Variants in DST observed in about 807,000 individuals in gnomAD.
The protein encoded by DST is dystonin.
DST carries 253 observed loss-of-function variants against 875.2 expected under a neutral mutation model. The observed-to-expected ratio is 0.29, with a 90% confidence interval of 0.26 to 0.32. The LOEUF is 0.32. DST is among the 10% of genes least tolerant of loss of function. The pLI is 1.00. For synonymous variants in DST, 3,124 were observed against 3,197.1 expected (o/e 0.98, Z 0.77); for missense variants, 8,287 against 9,111.6 (o/e 0.91, Z 3.68).
At chr6:56,654,164 T>C (rs1329977636) in intron 10 of DST, among the ~76,000 whole-genome samples, 4 of 152,182 alleles carry the variant, frequency 2.6e-5, no homozygotes, top group African/African-American at 9.7e-5. Flanking sequence ...CTTAAAGTAA[T>C]AAATGCTAGT....
At chr6:56,656,752 C>A (rs1012650979) in intron 10 of DST, among the ~76,000 whole-genome samples, 2 of 152,108 alleles carry the variant, frequency 1.3e-5, no homozygotes, top group East Asian at 3.9e-4. Flanking sequence ...CCATATGAAG[C>A]TGAGAATACA....
At chr6:56,735,021 C>A in intron 5 of DST, 1 of 486,340 alleles carries the variant, frequency 2.1e-6, no homozygotes, top group Non-Finnish European at 3.6e-6. Flanking sequence ...ACTGAAATCA[C>A]TGGGTACTTA....
intron 9 of DST, 74 bp downstream of exon 9, chr6:56,699,579 G>A (rs1044528743): frequency 3.0e-6 from 2 of 668,326 alleles, no homozygotes; most frequent in Non-Finnish European, 5.1e-6. Flanking sequence ...GAACATGAAT[G>A]CATCATTCAC....
intron 5 of DST, among the ~76,000 whole-genome samples, chr6:56,716,900 G>A (rs1024337420): frequency 3.3e-5 from 5 of 152,022 alleles, no homozygotes; most frequent in African/African-American, 1.2e-4. Context: ...GCATGCAACC[G>A]ACCGGGTGCG....
chr6:56,529,978 T>G lies in DST; in HGVS notation c.17264A>C (p.His5755Pro). Residue 5755 changes from histidine (H) to proline (P), a missense_variant, in exon 65 of 104, where the codon CAC (histidine) becomes CCC (proline). Coordinates refer to ENST00000680361, the MANE Select transcript of DST (RefSeq NM_001374736.1). ...AATGTGTGATTTATATCTTACTTTG[T>G]GCTGTGCAATTTGTTCCTCAAGTTT... is the stretch of plus-strand genomic sequence containing the variant. ...ASKLEEQIAQ[H>P]KALEDDIINH... 6.2e-7 allele frequency: 1 copy of G among 1,613,404 alleles called. No homozygotes were observed. The highest frequency in any genetic ancestry group is 8.5e-7 in the Non-Finnish European group (1 of 1,179,604).
chr6:56,698,329 A>AT (rs70989725), intron 9 of DST, among the ~76,000 whole-genome samples: 1,681 of 144,084 alleles, frequency 0.012, 17 homozygotes, highest in African/African-American at 0.024. Flanking sequence ...AAAAAAAAAA[A>AT]TTTTTTTTTT....
In DST at chr6:56,470,106, G is replaced by A. The variant is rs41271856; in HGVS notation, c.22476+22C>T. ...GCAGAACATACTATCAGTGTTGTAC[G>A]CAATGGGAAGATAATGAGTACCTCA... On this transcript the variant is annotated intron_variant, in intron 96 of 103. Coordinates refer to ENST00000680361, the MANE Select transcript of DST (RefSeq NM_001374736.1). 1,264 of 1,609,686 alleles carry A rather than the reference G, an allele frequency of 7.9e-4. 5 individuals are homozygous for A. In the African/African-American group the frequency reaches 0.015, roughly 19 times the overall value.
chr6:56,783,808 T>G (rs576191595), intron 4 of DST, among the ~76,000 whole-genome samples: 67 of 152,352 alleles, frequency 4.4e-4, no homozygotes, highest in Non-Finnish European at 8.2e-4. Context: ...TGATGCAGTT[T>G]CTTCCTAGTC....
At chr6:56,828,008 T>G (rs1328230166) in intron 4 of DST, among the ~76,000 whole-genome samples, 1 of 152,134 alleles carries the variant, frequency 6.6e-6, no homozygotes, top group East Asian at 1.9e-4. Context: ...CTTTCATGCC[T>G]TCCACTGATG....
chr6:56,934,823 TA>T lies in DST; in HGVS notation c.216+18961del, dbSNP rs570496554. 2.6e-3 allele frequency among the ~76,000 whole-genome samples: 399 copies of T among 151,278 alleles called. 2 individuals carry two copies. The highest frequency in any genetic ancestry group is 8.4e-3 in the African/African-American group (348 of 41,302). ...CACAAAATAATTTTAATATTATTCT[TA>T]AAAAAAATTAGGAAGCTATATATTC... On this transcript the variant is annotated intron_variant, in intron 2 of 103. Transcript: ENST00000680361.
At chr6:56,495,464 A>G (rs1272940079) in intron 82 of DST, among the ~76,000 whole-genome samples, 1 of 152,000 alleles carries the variant, frequency 6.6e-6, no homozygotes, top group Admixed American at 6.6e-5. Flanking sequence ...TTTGCTTTCA[A>G]GTTCTTATAT....
chr6:56,620,508 G>A, intron 36 of DST: 1 of 1,613,986 alleles, frequency 6.2e-7, no homozygotes, highest in Non-Finnish European at 8.5e-7. Flanking sequence ...ACATTTCTCT[G>A]CTGCTTTCTC....
intron 2 of DST, among the ~76,000 whole-genome samples, chr6:56,942,223 T>C (rs1410421544): frequency 6.6e-6 from 1 of 152,234 alleles, no homozygotes; most frequent in African/African-American, 2.4e-5. Flanking sequence ...TTAAAGTGAA[T>C]TTCTTGTAAA....
chr6:56,827,606 A>C (rs1004978447), intron 4 of DST, among the ~76,000 whole-genome samples: 6 of 152,092 alleles, frequency 3.9e-5, no homozygotes, highest in Non-Finnish European at 8.8e-5. Context: ...AAAATTGAAT[A>C]TAGAACGGTG....
intron 10 of DST, among the ~76,000 whole-genome samples, chr6:56,663,630 G>C (rs748397989): frequency 1.3e-5 from 2 of 152,314 alleles, no homozygotes; most frequent in Admixed American, 6.5e-5. Context: ...CTGAATCACC[G>C]GCCTCCAGGT....
At chr6:56,620,523 C>A in intron 36 of DST, 1 of 1,614,056 alleles carries the variant, frequency 6.2e-7, no homozygotes, top group South Asian at 1.1e-5. Flanking sequence ...TTTCTCAATT[C>A]ATTTTCTGCA....
intron 5 of DST, among the ~76,000 whole-genome samples, chr6:56,729,388 C>T (rs976980408): frequency 2.0e-5 from 3 of 151,962 alleles, no homozygotes; most frequent in Non-Finnish European, 2.9e-5. Flanking sequence ...GTTAGGAGTT[C>T]GAGACCAGCC....
chr6:56,550,637 C>T (rs1267411323), intron 61 of DST, among the ~76,000 whole-genome samples: 2 of 152,164 alleles, frequency 1.3e-5, no homozygotes, highest in Non-Finnish European at 2.9e-5. Context: ...TGTCCATTGT[C>T]TTACAAGTAG....
At chr6:56,757,229 G>A (rs1157412599) in intron 4 of DST, among the ~76,000 whole-genome samples, 2 of 152,154 alleles carry the variant, frequency 1.3e-5, no homozygotes, top group African/African-American at 2.4e-5. Context: ...TGAGAGTTGA[G>A]GCTAAAACAC....
Sources: allele counts gnomAD v4.1 joint callset (sites outside exome capture counted in the v4.1 genomes callset), GRCh38; gene constraint gnomAD v4.1.1; transcripts MANE v1.5; gene names NCBI Gene and HGNC (gene_info 2026-07-23, HGNC 2026-07-21).